ADAMTSL3: variants seen among roughly 807,000 people sequenced by gnomAD.
The protein encoded by ADAMTSL3 is ADAMTS like 3.
Under a neutral mutation model 201.7 loss-of-function variants are expected in ADAMTSL3, and 128 were observed. That is an observed-to-expected ratio of 0.63 (90% confidence interval 0.55 to 0.73). The LOEUF (loss-of-function observed/expected upper bound fraction) is 0.73. Among genes scored for constraint, ADAMTSL3 ranks in the 30% least tolerant of loss-of-function variants. The pLI, the probability that ADAMTSL3 is intolerant of heterozygous loss-of-function variation, is 0.00. For missense variants in ADAMTSL3, 1,990 were observed against 2,119.6 expected (o/e 0.94, Z 1.20); for synonymous variants, 738 against 748.4 (o/e 0.99, Z 0.23).
chr15:84,025,759 C>T (rs1482061889), intron 27 of ADAMTSL3, among the ~76,000 whole-genome samples: 1 of 152,092 alleles, frequency 6.6e-6, no homozygotes, highest in Non-Finnish European at 1.5e-5. Context: ...GGTATCTGCA[C>T]AAAAGCCTCA....
At chr15:83,963,464 C>T (rs753661491) in intron 19 of ADAMTSL3, among the ~76,000 whole-genome samples, 18 of 152,192 alleles carry the variant, frequency 1.2e-4, no homozygotes, top group Non-Finnish European at 1.9e-4. Context: ...CTAGATTCCT[C>T]CCTTCTGGCA....
At chr15:83,926,438 T>C (rs1241412540) in intron 17 of ADAMTSL3, among the ~76,000 whole-genome samples, 3 of 152,158 alleles carry the variant, frequency 2.0e-5, no homozygotes, top group African/African-American at 7.2e-5. Flanking sequence ...AACACAGAAA[T>C]GGGGAGAACA....
At chr15:83,878,087 A>G (rs7170165) in intron 9 of ADAMTSL3, among the ~76,000 whole-genome samples, 66,989 of 152,000 alleles carry the variant, frequency 0.44, 15,230 homozygotes, top group Admixed American at 0.6. Flanking sequence ...GATGTTTACT[A>G]TAAAATTTTT....
chr15:83,969,995 T>A (rs2067162849), intron 19 of ADAMTSL3, among the ~76,000 whole-genome samples: 1 of 152,208 alleles, frequency 6.6e-6, no homozygotes, highest in Non-Finnish European at 1.5e-5. Context: ...TGGTGTCATA[T>A]GGTGTTTGCA....
chr15:83,907,252 T>A (rs1053102112), intron 15 of ADAMTSL3, among the ~76,000 whole-genome samples: 3 of 152,246 alleles, frequency 2.0e-5, no homozygotes, highest in Non-Finnish European at 4.4e-5. Context: ...TGATTTGTTT[T>A]CTATAATAGC....
At chr15:83,899,624 T>G in intron 14 of ADAMTSL3, 23 bp from the exon 15 acceptor site, 1 of 1,603,622 alleles carries the variant, frequency 6.2e-7, no homozygotes, top group Non-Finnish European at 8.5e-7. Flanking sequence ...TTAGGCTCAT[T>G]GTTTATGTTC....
chr15:83,883,241 C>T (rs939749959), intron 9 of ADAMTSL3, among the ~76,000 whole-genome samples: 33 of 151,162 alleles, frequency 2.2e-4, no homozygotes, highest in Non-Finnish European at 3.8e-4. Context: ...GGTGTGATCT[C>T]GGCTCATTGC....
chr15:84,039,839 T>C lies in ADAMTSL3; in HGVS notation c.*2033T>C, dbSNP rs1358150671. ...CTTTGATTATTCAGTGGCATCCTTA[T>C]AAATGTAGGCAGCTTATGTGTGTTA... On this transcript the variant is annotated 3_prime_UTR_variant, in exon 30 of 30. Coordinates refer to ENST00000286744, the MANE Select transcript of ADAMTSL3 (RefSeq NM_207517.3). 2 of 152,650 alleles carry C rather than the reference T, an allele frequency of 1.3e-5. No individual in the cohort carries two copies. Among genetic ancestry groups the C allele is most frequent in the Admixed American group, 6.5e-5 (1 of 15,284 alleles). 9.5% of individuals were successfully genotyped at this position (152,650 alleles called of 1,614,324 possible).
At chr15:83,872,682 C>CTTTCTCAGGAAATGCCTGTGAGAA (rs1555455106) in intron 9 of ADAMTSL3, among the ~76,000 whole-genome samples, 5 of 145,388 alleles carry the variant, frequency 3.4e-5, no homozygotes, top group African/African-American at 5.2e-5. Context: ...CTTCTCAAGT[C>CTTTCTCAGGAAATGCCTGTGAGAA]AACTTGGAGG....
At chr15:83,682,267 C>A (rs2061485911) in intron 2 of ADAMTSL3, among the ~76,000 whole-genome samples, 1 of 152,090 alleles carries the variant, frequency 6.6e-6, no homozygotes, top group Admixed American at 6.6e-5. Flanking sequence ...CTGAGACAGA[C>A]CTGCCCAAGG....
At position 83,838,281 on chromosome 15, in the gene ADAMTSL3, A is replaced by G. The variant is rs2064315211; in HGVS notation, c.727+66A>G. On this transcript the variant is annotated intron_variant, in intron 7 of 29. Coordinates refer to ENST00000286744, the MANE Select transcript of ADAMTSL3 (RefSeq NM_207517.3). ...TATATTTTAGACTGTCTATTGCTAG[A>G]ATAACATTTTCTGAATGTTAAGCTT... 3.9e-6 allele frequency: 6 copies of G among 1,527,752 alleles called. No individual in the cohort carries two copies. In the Admixed American group the frequency reaches 1.4e-4, roughly 35 times the overall value. The allele number at this position is 1,527,752 out of a possible 1,614,324, so 94.6% of individuals were successfully genotyped here. A position where few individuals can be genotyped will look rare whatever the true frequency, so the allele number is the denominator to read the frequency against.
At chr15:83,735,359 G>A (rs2062353828) in intron 3 of ADAMTSL3, among the ~76,000 whole-genome samples, 1 of 152,134 alleles carries the variant, frequency 6.6e-6, no homozygotes, top group Admixed American at 6.5e-5. Context: ...TAAACTAACA[G>A]TGTTTCTCAG....
intron 3 of ADAMTSL3, among the ~76,000 whole-genome samples, chr15:83,750,164 C>T (rs1173388932): frequency 1.3e-5 from 2 of 152,188 alleles, no homozygotes; most frequent in South Asian, 2.1e-4. Flanking sequence ...ACCAGAGTCA[C>T]GTATCAGCTA....
intron 2 of ADAMTSL3, among the ~76,000 whole-genome samples, chr15:83,670,971 A>G (rs2061322592): frequency 6.6e-6 from 1 of 152,208 alleles, no homozygotes; most frequent in Admixed American, 6.5e-5. Context: ...ACATGAGGAA[A>G]CATAGTAATA....
At chr15:83,989,066 T>C (rs976692988) in intron 22 of ADAMTSL3, among the ~76,000 whole-genome samples, 2 of 151,928 alleles carry the variant, frequency 1.3e-5, no homozygotes, top group African/African-American at 4.8e-5. Flanking sequence ...GTATTTTTAG[T>C]AGAGACGGGG....
chr15:83,773,274 G>A (rs1596180263), intron 3 of ADAMTSL3, among the ~76,000 whole-genome samples: 1 of 152,016 alleles, frequency 6.6e-6, no homozygotes, highest in Admixed American at 6.6e-5. Context: ...TAGGTGTGGT[G>A]GTGGGCGCCT....
intron 19 of ADAMTSL3, among the ~76,000 whole-genome samples, chr15:83,966,396 A>T (rs1202252951): frequency 6.6e-6 from 1 of 152,192 alleles, no homozygotes; most frequent in Admixed American, 6.5e-5. Context: ...AATACTATAA[A>T]CACCTCTACG....
Position 83,916,940 on chromosome 15 carries a change from G to A in ADAMTSL3, c.1987+3562G>A, listed in dbSNP as rs193270234. Among the ~76,000 whole-genome samples, 7 of 152,272 alleles carry A rather than the reference G, an allele frequency of 4.6e-5. No homozygotes were observed. In the East Asian group the frequency reaches 1.2e-3, roughly 25 times the overall value. Reference sequence around the variant, plus strand: ...AGCTTTTGGTTGTTTTGGTTTGACTGTCCCAACCACACTGCTTATAGTCAG... The same window carrying A: ...AGCTTTTGGTTGTTTTGGTTTGACTATCCCAACCACACTGCTTATAGTCAG... On this transcript the variant is annotated intron_variant, in intron 16 of 29. Transcript: ENST00000286744.
chr15:83,729,025 T>C (rs2062224715), intron 3 of ADAMTSL3, among the ~76,000 whole-genome samples: 1 of 152,104 alleles, frequency 6.6e-6, no homozygotes, highest in Non-Finnish European at 1.5e-5. Context: ...CTGGATATAC[T>C]ATTCTAGGAT....
Sources: gnomAD v4.1 joint callset for allele counts (sites outside exome capture counted in the v4.1 genomes callset) on GRCh38, gnomAD v4.1.1 for gene constraint, MANE v1.5 for transcripts, NCBI Gene and HGNC (gene_info 2026-07-23, HGNC 2026-07-21) for gene names.